CBFB: variants seen among roughly 807,000 people sequenced by gnomAD.
CBFB encodes the protein core-binding factor subunit beta, also known as CBF-beta.
Under a neutral mutation model 30.4 loss-of-function variants are expected in CBFB, and 9 were observed. The observed-to-expected ratio is 0.30, with a 90% CI of 0.18 to 0.52. The LOEUF (loss-of-function observed/expected upper bound fraction) is 0.52, where lower values mean the gene tolerates loss of function less well. CBFB is among the 20% of genes least tolerant of loss of function. The pLI is 0.97. For synonymous variants in CBFB, 94 were observed against 84.0 expected, an observed-to-expected ratio of 1.12 and a Z score of -0.65; for missense variants, 170 against 244.0, an observed-to-expected ratio of 0.70 and a Z score of 2.02.
At chr16:67,058,517 G>T (rs1960798648) in intron 3 of CBFB, among the ~76,000 whole-genome samples, 1 of 152,110 alleles carries the variant, frequency 6.6e-6, no homozygotes, top group African/African-American at 2.4e-5. Flanking sequence ...TGTAGTGCTG[G>T]AATCTCTTTT....
chr16:67,077,776 T>C (rs886348682), intron 4 of CBFB, among the ~76,000 whole-genome samples: 3 of 152,220 alleles, frequency 2.0e-5, no homozygotes, highest in African/African-American at 7.2e-5. Context: ...ATTTAGACAA[T>C]AAATAAAGAC....
intron 5 of CBFB, among the ~76,000 whole-genome samples, chr16:67,086,248 T>C (rs966550340): frequency 1.3e-5 from 2 of 152,232 alleles, no homozygotes; most frequent in Admixed American, 6.5e-5. Context: ...TTGTTACATT[T>C]CTGAACCTTT....
intron 3 of CBFB, among the ~76,000 whole-genome samples, chr16:67,063,303 A>T (rs1960961413): frequency 6.6e-6 from 1 of 152,124 alleles, no homozygotes; most frequent in Non-Finnish European, 1.5e-5. Context: ...GGAGAAATGG[A>T]ACCTTTTGTA....
rs1474317252 is a variant in CBFB, at chr16:67,036,710, A to G, written c.237A>G (p.Gln79=). 1 of 1,613,730 alleles carries G rather than the reference A, an allele frequency of 6.2e-7. No individual in the cohort carries two copies. The highest frequency in any genetic ancestry group is 1.1e-5 in the South Asian group (1 of 91,080). ...FPASWQGEQR[Q]TPSREYVDLE... ...CCAGCTGGCAGGGAGAACAGCGACA[A>G]ACACCTAGCCGAGAGTATGTCGACT... Residue 79 remains glutamine, a synonymous_variant, in exon 3 of 6, where the codon CAA becomes CAG. Coordinates refer to ENST00000412916, the MANE Select transcript of CBFB (RefSeq NM_022845.3).
At chr16:67,029,571 G>A in intron 1 of CBFB, 86 bp downstream of exon 1, 5 of 1,408,346 alleles carry the variant, frequency 3.6e-6, no homozygotes, top group Admixed American at 4.5e-5. Flanking sequence ...CACGGTCCCC[G>A]GGAGTCCCGG....
intron 3 of CBFB, among the ~76,000 whole-genome samples, chr16:67,060,230 TA>T (rs1960867471): frequency 2.0e-5 from 3 of 152,054 alleles, no homozygotes; most frequent in Admixed American, 1.3e-4. Flanking sequence ...CCTCCCAAAG[TA>T]TGCTAAGATT....
chr16:67,096,846 C>T (rs1324461738), intron 5 of CBFB, among the ~76,000 whole-genome samples: 4 of 150,116 alleles, frequency 2.7e-5, no homozygotes, highest in African/African-American at 7.4e-5. Context: ...TGGTGGTGGG[C>T]GCCTGTAGTC....
intron 4 of CBFB, among the ~76,000 whole-genome samples, chr16:67,074,134 A>AT (rs1961318861): frequency 6.6e-6 from 1 of 150,694 alleles, no homozygotes; most frequent in Admixed American, 6.7e-5. Context: ...TAACACATGA[A>AT]TTTCACAGGG....
At chr16:67,043,388 T>C (rs1410312643) in intron 3 of CBFB, among the ~76,000 whole-genome samples, 5 of 152,224 alleles carry the variant, frequency 3.3e-5, no homozygotes, top group African/African-American at 1.2e-4. Context: ...TTCTGTTGCT[T>C]ATGTGGCTAT....
At chr16:67,091,453 A>C (rs563385298) in intron 5 of CBFB, among the ~76,000 whole-genome samples, 50 of 152,320 alleles carry the variant, frequency 3.3e-4, no homozygotes, top group African/African-American at 1.2e-3. Flanking sequence ...ATGCTCTTGT[A>C]AGTTACCTCT....
intron 5 of CBFB, among the ~76,000 whole-genome samples, chr16:67,097,383 TAAAACTAC>T (rs1223899615): frequency 6.6e-6 from 1 of 151,240 alleles, no homozygotes; most frequent in Non-Finnish European, 1.5e-5. Context: ...CCATCTCTAC[TAAAACTAC>T]AAAATTAGCC....
intron 3 of CBFB, among the ~76,000 whole-genome samples, chr16:67,054,094 T>A (rs1960644041): frequency 6.6e-6 from 1 of 152,092 alleles, no homozygotes; most frequent in African/African-American, 2.4e-5. Flanking sequence ...GCTTTCATAC[T>A]GATTTCTGTG....
chr16:67,089,925 T>C (rs1426598735), intron 5 of CBFB, among the ~76,000 whole-genome samples: 1 of 152,218 alleles, frequency 6.6e-6, no homozygotes. Flanking sequence ...TCTTTCTGTG[T>C]ACTTGGCTCA....
At chr16:67,085,802 C>T (rs1032318937) in intron 5 of CBFB, among the ~76,000 whole-genome samples, 4 of 151,782 alleles carry the variant, frequency 2.6e-5, no homozygotes, top group African/African-American at 7.3e-5. Context: ...CTCAGCCTCC[C>T]GAGTAGCTGG....
intron 4 of CBFB, among the ~76,000 whole-genome samples, chr16:67,074,337 A>C (rs1182925303): frequency 6.6e-6 from 1 of 152,186 alleles, no homozygotes; most frequent in Non-Finnish European, 1.5e-5. Flanking sequence ...ACCATTCACA[A>C]AAATCAATTT....
chr16:67,080,664 C>T (rs1384935664), intron 4 of CBFB, among the ~76,000 whole-genome samples: 1 of 152,098 alleles, frequency 6.6e-6, no homozygotes, highest in Non-Finnish European at 1.5e-5. Context: ...TTAATAATTT[C>T]CCTTGAGATT....
chr16:67,085,716 C>G (rs1005947895), intron 5 of CBFB, among the ~76,000 whole-genome samples: 1 of 135,580 alleles, frequency 7.4e-6, no homozygotes, highest in Non-Finnish European at 1.5e-5. Flanking sequence ...CTCGCTCTGT[C>G]GCCCAGGCTG....
In CBFB at chr16:67,029,160, G is replaced by C. The variant is rs1321749787; in HGVS notation, c.-248G>C. 1.2e-5 allele frequency: 2 copies of C among 171,408 alleles called. No homozygotes were observed. The highest frequency in any genetic ancestry group is 2.3e-5 in the Non-Finnish European group (2 of 85,634). The allele number at this position is 171,408 out of a possible 1,614,324, so 10.6% of individuals were successfully genotyped here. ...CGGCGGCCGGGGGCGGTGAGCGCTG[G>C]GGCTGCGCGGGCGGCAGGCAACGGC... On this transcript the variant is annotated 5_prime_UTR_variant, in exon 1 of 6. Transcript: ENST00000412916.
intron 5 of CBFB, among the ~76,000 whole-genome samples, chr16:67,093,065 C>G (rs1361208219): frequency 6.6e-6 from 1 of 152,088 alleles, no homozygotes; most frequent in East Asian, 1.9e-4. Flanking sequence ...CTTGCCTCAG[C>G]CTTCCAAGCA....
Sources: gnomAD v4.1 joint callset for allele counts (sites outside exome capture counted in the v4.1 genomes callset) on GRCh38, gnomAD v4.1.1 for gene constraint, MANE v1.5 for transcripts, NCBI Gene and HGNC (gene_info 2026-07-23, HGNC 2026-07-21) for gene names.